Variants in ATP10B observed in about 807,000 individuals in gnomAD.
The protein encoded by ATP10B is phospholipid-transporting ATPase VB.
A neutral mutation model predicts 141.2 loss-of-function variants in ATP10B; 122 were observed. The observed-to-expected ratio is 0.86, with a 90% CI of 0.75 to 1.00. The LOEUF (loss-of-function observed/expected upper bound fraction) is 1.00, where lower values mean the gene tolerates loss of function less well. ATP10B is among the 50% of genes least tolerant of loss of function. The pLI, the probability that ATP10B is intolerant of heterozygous loss-of-function variation, is 0.00. For synonymous variants in ATP10B, 685 were observed against 692.0 expected, an observed-to-expected ratio of 0.99 and a Z score of 0.16; for missense variants, 1,876 against 1,825.3, an observed-to-expected ratio of 1.03 and a Z score of -0.51.
Position 160,670,469 on chromosome 5 carries a change from T to G in ATP10B, c.669A>C (p.Ser223=). The G allele has an allele frequency of 6.2e-7, 1 of 1,613,898 alleles. No individual in the cohort carries two copies. Among genetic ancestry groups the G allele is most frequent in the East Asian group, 2.2e-5 (1 of 44,842 alleles). Residue 223 remains serine (S), a synonymous_variant, in exon 7 of 26, where the codon TCA becomes TCC. Coordinates refer to ENST00000327245, the MANE Select transcript of ATP10B (RefSeq NM_025153.3). The stretch of plus-strand genomic sequence containing the variant: ...ATATTAGAAAGAGCCCTACCTGCTG[T>G]GAGAAGCCCTTCACGACACATCTTT... The part of the protein sequence containing the change: ...LKQRCVVKGF[S]QQEVQFEPEL...
At chr5:160,618,330 A>T (rs988408760) in intron 15 of ATP10B, among the ~76,000 whole-genome samples, 1 of 152,252 alleles carries the variant, frequency 6.6e-6, no homozygotes, top group African/African-American at 2.4e-5. Context: ...CAGCTGAATC[A>T]GGGGACTAGA....
At chr5:160,733,192 A>G (rs945700246) in intron 2 of ATP10B, among the ~76,000 whole-genome samples, 10 of 152,110 alleles carry the variant, frequency 6.6e-5, no homozygotes, top group Admixed American at 2.6e-4. Context: ...ATTAATTTCT[A>G]TGTCTTTTTT....
At position 160,607,050 on chromosome 5, in the gene ATP10B, C is replaced by T. The variant is rs776311658; in HGVS notation, c.2875G>A (p.Glu959Lys). 2 of 1,614,032 alleles carry T rather than the reference C, an allele frequency of 1.2e-6. No individual in the cohort carries two copies. The highest frequency in any genetic ancestry group is 1.7e-6 in the Non-Finnish European group (2 of 1,179,956). Reference protein sequence around the residue: ...CESILNCALEELKQFRELQKP... With the variant: ...CESILNCALEKLKQFRELQKP... ...TGTAGTTCACGAAATTGCTTTAGCT[C>T]TTCCAATGCACAATTGAGGATGGAT... Residue 959 changes from glutamate (E) to lysine (K), a missense_variant, in exon 19 of 26, where the codon GAG (glutamate) becomes AAG (lysine). Coordinates refer to ENST00000327245, the MANE Select transcript of ATP10B (RefSeq NM_025153.3).
At chr5:160,670,231 G>T (rs1389720418) in intron 7 of ATP10B, among the ~76,000 whole-genome samples, 1 of 152,092 alleles carries the variant, frequency 6.6e-6, no homozygotes, top group Non-Finnish European at 1.5e-5. Context: ...GAAACTCTGA[G>T]GCCTTCAGCA....
chr5:160,843,817 T>C (rs887234388), intron 1 of ATP10B, among the ~76,000 whole-genome samples: 14 of 152,266 alleles, frequency 9.2e-5, no homozygotes, highest in Admixed American at 7.9e-4. Flanking sequence ...TGATGGGCAG[T>C]GAATTCATAT....
At chr5:160,690,133 C>A (rs1258541872) in intron 3 of ATP10B, among the ~76,000 whole-genome samples, 3 of 152,108 alleles carry the variant, frequency 2.0e-5, no homozygotes, top group African/African-American at 7.2e-5. Context: ...ATAAATGGTG[C>A]TGGGAAAGCT....
Position 160,676,450 on chromosome 5 carries a change from G to A in ATP10B, c.471-5783C>T, listed in dbSNP as rs184030200. 8.7e-4 allele frequency among the ~76,000 whole-genome samples: 133 copies of A among 152,264 alleles called. 1 individual carries two copies. The highest frequency in any genetic ancestry group is 3.0e-3 in the African/African-American group (125 of 41,538). On this transcript the variant is annotated intron_variant, in intron 6 of 25. Transcript: ENST00000327245. The stretch of plus-strand genomic sequence containing the variant: ...CACTGGACATGACGGTGCACATCTT[G>A]TTGCCACACTTCCCTGTATATTACC...
intron 2 of ATP10B, among the ~76,000 whole-genome samples, chr5:160,727,438 A>G (rs1281171129): frequency 6.6e-6 from 1 of 152,210 alleles, no homozygotes; most frequent in African/African-American, 2.4e-5. Context: ...CAGGAAGAAT[A>G]TAGATGCAGG....
chr5:160,882,414 T>C, the ATP10B span, among the ~76,000 whole-genome samples: 314 of 152,242 alleles, frequency 2.1e-3, no homozygotes, highest in African/African-American at 7.4e-3. Flanking sequence ...AACTTAAGAT[T>C]GTTCTAAGAA....
At chr5:160,761,544 C>G (rs1769045968) in intron 2 of ATP10B, among the ~76,000 whole-genome samples, 1 of 152,238 alleles carries the variant, frequency 6.6e-6, no homozygotes, top group Non-Finnish European at 1.5e-5. Context: ...GAGAGCACCA[C>G]ATCAAGGGAT....
At chr5:160,852,775 T>A (rs1753873442), upstream of ATP10B, among the ~76,000 whole-genome samples, 1 of 152,170 alleles carries the variant, frequency 6.6e-6, no homozygotes, top group African/African-American at 2.4e-5. Context: ...ATAATCCTTT[T>A]ATTAAGTTAC....
At chr5:160,692,276 T>C (rs747721202) in intron 3 of ATP10B, among the ~76,000 whole-genome samples, 14 of 152,278 alleles carry the variant, frequency 9.2e-5, no homozygotes, top group Non-Finnish European at 1.9e-4. Flanking sequence ...ATTTATATAG[T>C]TTCAAAGTAT....
intron 1 of ATP10B, among the ~76,000 whole-genome samples, chr5:160,824,122 C>T (rs575134194): frequency 3.7e-4 from 56 of 151,978 alleles, no homozygotes; most frequent in Non-Finnish European, 6.3e-4. Flanking sequence ...CCTGGGTTCA[C>T]ACCATTCTCC....
At chr5:160,805,327 C>T (rs1164984390) in intron 1 of ATP10B, among the ~76,000 whole-genome samples, 1 of 152,152 alleles carries the variant, frequency 6.6e-6, no homozygotes, top group Non-Finnish European at 1.5e-5. Flanking sequence ...CATGGCAGCT[C>T]CTCAGCGTAT....
intron 10 of ATP10B, among the ~76,000 whole-genome samples, chr5:160,637,591 C>T (rs928456975): frequency 7.2e-5 from 11 of 152,202 alleles, no homozygotes; most frequent in South Asian, 2.1e-4. Context: ...GATAACAACA[C>T]GCATTATCTG....
intron 1 of ATP10B, among the ~76,000 whole-genome samples, chr5:160,815,852 A>G (rs1581587270): frequency 6.6e-6 from 1 of 152,240 alleles, no homozygotes; most frequent in Non-Finnish European, 1.5e-5. Flanking sequence ...CTCAAGATTA[A>G]GAAACTCACT....
chr5:160,813,579 G>A (rs980361151), intron 1 of ATP10B, among the ~76,000 whole-genome samples: 2 of 152,176 alleles, frequency 1.3e-5, no homozygotes, highest in East Asian at 3.9e-4. Flanking sequence ...CAAACAAAAG[G>A]CAGCAGAATC....
chr5:160,697,569 G>T (rs1274863057), intron 3 of ATP10B, among the ~76,000 whole-genome samples: 3 of 129,706 alleles, frequency 2.3e-5, no homozygotes, highest in African/African-American at 8.6e-5. Flanking sequence ...CCTCTAGAGA[G>T]AAAGAAACAT....
At chr5:160,630,294 T>C (rs1268962605) in intron 13 of ATP10B, among the ~76,000 whole-genome samples, 1 of 152,172 alleles carries the variant, frequency 6.6e-6, no homozygotes, top group African/African-American at 2.4e-5. Flanking sequence ...GATCTGGAGA[T>C]AGCTCTGGGG....
Sources: gnomAD v4.1 joint callset for allele counts (sites outside exome capture counted in the v4.1 genomes callset) on GRCh38, gnomAD v4.1.1 for gene constraint, MANE v1.5 for transcripts, NCBI Gene and HGNC (gene_info 2026-07-23, HGNC 2026-07-21) for gene names.